SLCO3A1: variants seen among roughly 807,000 people sequenced by gnomAD.
The protein encoded by SLCO3A1 is PGE1 transporter.
SLCO3A1 carries 27 observed loss-of-function variants against 63.1 expected under a neutral mutation model. The observed-to-expected ratio is 0.43, with a 90% CI of 0.32 to 0.59. The LOEUF is 0.59. Among genes scored for constraint, SLCO3A1 ranks in the 20% least tolerant of loss-of-function variants. The pLI is 0.09. For missense variants in SLCO3A1, 773 were observed against 945.8 expected, an observed-to-expected ratio of 0.82 and a Z score of 2.40; for synonymous variants, 473 against 409.9, an observed-to-expected ratio of 1.15 and a Z score of -1.86.
At chr15:92,172,224 C>T (rs1172070984) in exon 11 of SLCO3A1, 3 of 195,282 alleles carry the variant, frequency 1.5e-5, no homozygotes, top group Non-Finnish European at 3.1e-5. Flanking sequence ...CTGAGGGCTC[C>T]AACAGCTTTA....
chr15:92,118,387 C>T (rs1012259326), intron 4 of SLCO3A1, among the ~76,000 whole-genome samples: 3 of 152,096 alleles, frequency 2.0e-5, no homozygotes, highest in African/African-American at 7.2e-5. Flanking sequence ...TAACTAAGTT[C>T]TTTTTGTTAT....
intron 1 of SLCO3A1, among the ~76,000 whole-genome samples, chr15:91,903,157 A>T (rs1184028257): frequency 6.6e-6 from 1 of 152,170 alleles, no homozygotes; most frequent in Non-Finnish European, 1.5e-5. Flanking sequence ...TTCTTAAGTG[A>T]TGCTTGACAT....
chr15:92,118,215 C>A (rs2047819134), intron 4 of SLCO3A1, among the ~76,000 whole-genome samples: 1 of 152,150 alleles, frequency 6.6e-6, no homozygotes. Context: ...GCATTTATTT[C>A]ATCAGAGAGT....
intron 9 of SLCO3A1, among the ~76,000 whole-genome samples, chr15:92,152,164 T>C (rs2048314307): frequency 6.6e-6 from 1 of 152,270 alleles, no homozygotes; most frequent in African/African-American, 2.4e-5. Flanking sequence ...TGTTTTAAAG[T>C]TTTGAATGAA....
intron 2 of SLCO3A1, among the ~76,000 whole-genome samples, chr15:92,012,033 GAGA>G (rs2046374435): frequency 1.3e-5 from 2 of 152,246 alleles, no homozygotes; most frequent in Admixed American, 1.3e-4. Flanking sequence ...AGCCTCAGAG[GAGA>G]AGGAGGGTGG....
Position 92,155,985 on chromosome 15 carries a change from C to A in SLCO3A1, c.1753+4971C>A, listed in dbSNP as rs535930271. Among the ~76,000 whole-genome samples the A allele has an allele frequency of 2.0e-5, 3 of 152,220 alleles. No individual in the cohort carries two copies. The South Asian group carries it at 6.2e-4, about 32-fold the overall frequency. The stretch of plus-strand genomic sequence containing the variant: ...TAGCCAAAAGCATAGGGAAGGCCCT[C>A]GGGGTGCATTTCTGTAGGCAGGGGT... On this transcript the variant is annotated intron_variant, in intron 9 of 9. Coordinates refer to ENST00000318445, the MANE Select transcript of SLCO3A1 (RefSeq NM_013272.4).
intron 2 of SLCO3A1, among the ~76,000 whole-genome samples, chr15:91,957,989 A>T (rs979420284): frequency 6.6e-6 from 1 of 152,132 alleles, no homozygotes; most frequent in Non-Finnish European, 1.5e-5. Context: ...CATGAACAAC[A>T]TGGGTTTGAA....
intron 1 of SLCO3A1, among the ~76,000 whole-genome samples, chr15:91,871,290 G>T (rs1367678679): frequency 1.3e-5 from 2 of 152,148 alleles, no homozygotes; most frequent in Non-Finnish European, 2.9e-5. Context: ...TGCTGAGTAG[G>T]CTTGGCTAGA....
At chr15:91,939,396 C>T (rs993111969) in intron 2 of SLCO3A1, among the ~76,000 whole-genome samples, 1 of 152,142 alleles carries the variant, frequency 6.6e-6, no homozygotes, top group Admixed American at 6.5e-5. Flanking sequence ...TGGATTGCAA[C>T]TTAACATGAG....
At position 92,164,161 on chromosome 15, in the gene SLCO3A1, TTTA is replaced by T. The variant is rs1239118816; in HGVS notation, c.*1031_*1033del. ...CACTAACACAGTTCTCTAGGCCGGA[TTTA>T]TTATGCTGGTTGCTTTTACTTTTTT... On this transcript the variant is annotated 3_prime_UTR_variant, in exon 10 of 10. Transcript: ENST00000318445. The T allele has an allele frequency of 1.0e-6, 1 of 985,060 alleles. No homozygotes were observed. The highest frequency in any genetic ancestry group is 1.2e-6 in the Non-Finnish European group (1 of 829,680). The allele number at this position is 985,060 out of a possible 1,614,324, so 61.0% of individuals were successfully genotyped here.
intron 2 of SLCO3A1, among the ~76,000 whole-genome samples, chr15:92,020,089 CT>C (rs956956541): frequency 2.0e-5 from 3 of 152,154 alleles, no homozygotes; most frequent in African/African-American, 7.2e-5. Flanking sequence ...TGGGGACAGA[CT>C]TTTTTCAGTT....
At chr15:92,146,808 AT>A (rs1212012042) in intron 7 of SLCO3A1, among the ~76,000 whole-genome samples, 175 bp from the exon 8 acceptor site, 1 of 151,646 alleles carries the variant, frequency 6.6e-6, no homozygotes, top group African/African-American at 2.4e-5. Context: ...ATATTCCTTT[AT>A]TTATGTGTGT....
intron 1 of SLCO3A1, among the ~76,000 whole-genome samples, chr15:91,867,445 A>G (rs968489360): frequency 3.9e-5 from 6 of 152,110 alleles, no homozygotes; most frequent in Non-Finnish European, 7.4e-5. Context: ...TCTCTTTTGC[A>G]TATGTACAAA....
intron 2 of SLCO3A1, among the ~76,000 whole-genome samples, chr15:92,078,147 G>C (rs1315695860): frequency 1.3e-5 from 2 of 152,190 alleles, no homozygotes; most frequent in Admixed American, 6.5e-5. Context: ...TTCCACTGTG[G>C]AGCAGCAGAA....
At chr15:91,971,266 G>A (rs1034987286) in intron 2 of SLCO3A1, among the ~76,000 whole-genome samples, 1 of 151,632 alleles carries the variant, frequency 6.6e-6, no homozygotes, top group African/African-American at 2.4e-5. Flanking sequence ...ATGGTGGCAG[G>A]TGCCTGTAGT....
intron 2 of SLCO3A1, among the ~76,000 whole-genome samples, chr15:92,084,443 G>A (rs1341030540): frequency 6.6e-6 from 1 of 152,182 alleles, no homozygotes; most frequent in Admixed American, 6.5e-5. Context: ...GGAGGAAACT[G>A]AGGCCGAGGG....
intron 2 of SLCO3A1, among the ~76,000 whole-genome samples, chr15:91,955,683 G>T (rs1408521013): frequency 3.9e-5 from 6 of 152,164 alleles, no homozygotes; most frequent in Admixed American, 2.6e-4. Context: ...GTATCCCTAG[G>T]CTGAACACAT....
At position 92,164,195 on chromosome 15, in the gene SLCO3A1, T is replaced by A; in HGVS notation, c.*1060T>A. ...CTGGTTGCTTTTACTTTTTTTCTCC[T>A]TTTTTAATGCACCAAAAATATGTGA... is the stretch of plus-strand genomic sequence containing the variant. On this transcript the variant is annotated 3_prime_UTR_variant, in exon 10 of 10. Transcript: ENST00000318445. 1.0e-6 allele frequency: 1 copy of A among 985,176 alleles called. No individual in the cohort carries two copies. Among genetic ancestry groups the A allele is most frequent in the Middle Eastern group, 5.2e-4 (1 of 1,912 alleles). The allele number at this position is 985,176 out of a possible 1,614,324, so 61.0% of individuals were successfully genotyped here. A position where few individuals can be genotyped will look rare whatever the true frequency, so the allele number is the denominator to read the frequency against.
chr15:91,885,554 C>G lies in SLCO3A1; in HGVS notation c.181-30439C>G, dbSNP rs980343852. Among the ~76,000 whole-genome samples the G allele has an allele frequency of 2.6e-5, 4 of 152,230 alleles. No homozygotes were observed. The highest frequency in any genetic ancestry group is 1.3e-4 in the Admixed American group (2 of 15,286). ...CAGCGGGGCCCAAGATCCTCACAGT[C>G]TTTTAGGGATGCTTAGAATTGGCCC... On this transcript the variant is annotated intron_variant, in intron 1 of 9. Coordinates refer to ENST00000318445, the MANE Select transcript of SLCO3A1 (RefSeq NM_013272.4). The surrounding 1 kb of genome is among the most constrained non-coding windows in gnomAD (Gnocchi z 4.7).
Sources: gnomAD v4.1 joint callset for allele counts (sites outside exome capture counted in the v4.1 genomes callset) on GRCh38, gnomAD v4.1.1 for gene constraint, Gnocchi (gnomAD v3.1) non-coding constraint, MANE v1.5 for transcripts, NCBI Gene and HGNC (gene_info 2026-07-23, HGNC 2026-07-21) for gene names.